CSTPP1: variants seen among roughly 807,000 people sequenced by gnomAD.
CSTPP1 encodes centriolar satellite-associated tubulin polyglutamylase complex regulator 1.
At chr11:47,072,498 A>G in the CSTPP1 span, among the ~76,000 whole-genome samples, 19 of 152,346 alleles carry the variant, frequency 1.2e-4, no homozygotes, top group African/African-American at 3.8e-4. Context: ...TAGGAAAGTA[A>G]TTATCATCAG....
At chr11:46,997,690 T>A in the CSTPP1 span, among the ~76,000 whole-genome samples, 1 of 152,170 alleles carries the variant, frequency 6.6e-6, no homozygotes, top group Admixed American at 6.5e-5. Flanking sequence ...ATCTTTGTGG[T>A]TTTATCTACC....
chr11:47,112,857 ATATTT>A, the CSTPP1 span, among the ~76,000 whole-genome samples: 1 of 152,098 alleles, frequency 6.6e-6, no homozygotes, highest in East Asian at 1.9e-4. Context: ...TATTTTTATT[ATATTT>A]TAAGTTCTAG....
the CSTPP1 span, among the ~76,000 whole-genome samples, chr11:47,125,297 T>C: frequency 6.6e-6 from 1 of 152,220 alleles, no homozygotes; most frequent in South Asian, 2.1e-4. Context: ...TCCATCATCA[T>C]TGGTGGAAGC....
chr11:47,041,663 G>A, the CSTPP1 span: 9 of 449,634 alleles, frequency 2.0e-5, 2 homozygotes, highest in Admixed American at 6.1e-5. Context: ...AACTCACTGG[G>A]CAGCTATGCT....
At chr11:46,998,896 G>A in the CSTPP1 span, among the ~76,000 whole-genome samples, 39 of 152,034 alleles carry the variant, frequency 2.6e-4, no homozygotes, top group African/African-American at 6.8e-4. Flanking sequence ...CCACATGCCC[G>A]GCTAATTTTT....
the CSTPP1 span, among the ~76,000 whole-genome samples, chr11:46,996,956 A>G: frequency 6.6e-6 from 1 of 152,196 alleles, no homozygotes; most frequent in South Asian, 2.1e-4. Context: ...CTTTGCGGGT[A>G]ACCCGACCTT....
the CSTPP1 span, among the ~76,000 whole-genome samples, chr11:47,055,424 C>G: frequency 2.0e-5 from 3 of 147,728 alleles, no homozygotes; most frequent in African/African-American, 7.5e-5. Flanking sequence ...GGTAGTCTCC[C>G]TGCTTTTGAA....
chr11:46,958,753 CT>C, the CSTPP1 span, among the ~76,000 whole-genome samples: 89,121 of 151,960 alleles, frequency 0.59, 30,110 homozygotes, highest in Non-Finnish European at 0.76. Flanking sequence ...AGTTCATAGG[CT>C]TGAGAAGGTA....
At chr11:47,064,848 G>A in the CSTPP1 span, among the ~76,000 whole-genome samples, 2 of 151,908 alleles carry the variant, frequency 1.3e-5, no homozygotes, top group African/African-American at 2.4e-5. Context: ...GGGTTCAAGC[G>A]ATTCTCCTGC....
At chr11:47,052,650 A>G in the CSTPP1 span, 6 of 1,277,602 alleles carry the variant, frequency 4.7e-6, no homozygotes, top group Non-Finnish European at 6.3e-6. Flanking sequence ...TTTTGTTCCT[A>G]TAAATATTGT....
chr11:47,129,861 CTG>C, the CSTPP1 span, among the ~76,000 whole-genome samples: 1 of 152,140 alleles, frequency 6.6e-6, no homozygotes, highest in East Asian at 1.9e-4. Context: ...AAAATTGTTA[CTG>C]TGTCTGATTT....
chr11:47,024,551 T>C, the CSTPP1 span, among the ~76,000 whole-genome samples: 1 of 152,140 alleles, frequency 6.6e-6, no homozygotes, highest in South Asian at 2.1e-4. Flanking sequence ...AGGTTGGTAA[T>C]TGGTTAAATG....
At chr11:47,113,679 C>G in the CSTPP1 span, among the ~76,000 whole-genome samples, 1 of 152,102 alleles carries the variant, frequency 6.6e-6, no homozygotes, top group Non-Finnish European at 1.5e-5. Context: ...TATCCTTTGC[C>G]CACTTTTTGA....
At chr11:47,036,058 A>ATATATATATAT in the CSTPP1 span, among the ~76,000 whole-genome samples, 1 of 27,134 alleles carries the variant, frequency 3.7e-5, no homozygotes, top group African/African-American at 4.8e-4. Context: ...TATATATATT[A>ATATATATATAT]TATATATATA....
chr11:46,970,207 G>A, the CSTPP1 span, among the ~76,000 whole-genome samples: 3 of 151,842 alleles, frequency 2.0e-5, no homozygotes, highest in South Asian at 6.2e-4. Context: ...ATAGAAAGTT[G>A]TAAAAAATGT....
chr11:46,989,452 A>G, the CSTPP1 span, among the ~76,000 whole-genome samples: 25 of 152,178 alleles, frequency 1.6e-4, no homozygotes, highest in African/African-American at 6.0e-4. Context: ...ATGTACTATC[A>G]TGCTCAGCTA....
the CSTPP1 span, among the ~76,000 whole-genome samples, chr11:47,153,941 CT>C: frequency 6.6e-6 from 1 of 151,870 alleles, no homozygotes. Context: ...CAAAAGAAAA[CT>C]TTTTTTGTTT....
chr11:47,102,570 A>T, the CSTPP1 span, among the ~76,000 whole-genome samples: 5 of 152,182 alleles, frequency 3.3e-5, no homozygotes, highest in Non-Finnish European at 5.9e-5. Flanking sequence ...TCAAAATTTC[A>T]TGGGGAGTGG....
chr11:47,046,310 C>G, the CSTPP1 span, among the ~76,000 whole-genome samples: 2 of 148,714 alleles, frequency 1.3e-5, no homozygotes, highest in Non-Finnish European at 3.0e-5. Flanking sequence ...ACTTCTAGAG[C>G]TTATAAATGA....
Sources: allele counts gnomAD v4.1 joint callset (sites outside exome capture counted in the v4.1 genomes callset), GRCh38; gene constraint gnomAD v4.1.1; transcripts MANE v1.5; gene names NCBI Gene and HGNC (gene_info 2026-07-23, HGNC 2026-07-21).